The following PPP6R2 variants were observed in gnomAD, a reference collection of about 807,000 sequenced individuals.
PPP6R2 encodes the protein protein phosphatase 6 regulatory subunit 2.
Under a neutral mutation model 100.2 loss-of-function variants are expected in PPP6R2, and 62 were observed. The ratio of observed to expected loss-of-function variants is 0.62; its 90% CI spans 0.50 to 0.76. The LOEUF is 0.76. PPP6R2 is among the 30% of genes least tolerant of loss of function. The probability of loss-of-function intolerance (pLI) is 0.00; values close to 1 mark genes in which losing one functional copy is unlikely to be tolerated. For synonymous variants in PPP6R2, 525 were observed against 514.7 expected (o/e 1.02, Z -0.27); for missense variants, 1,142 against 1,276.3 (o/e 0.89, Z 1.60).
intron 2 of PPP6R2, among the ~76,000 whole-genome samples, chr22:50,372,410 A>G (rs8139075): frequency 0.52 from 78,468 of 151,650 alleles, 23,115 homozygotes; most frequent in African/African-American, 0.82. Flanking sequence ...TTAGCTGGGC[A>G]TAGTGGTGTG....
At chr22:50,404,089 ATT>A (rs55771128) in intron 3 of PPP6R2, among the ~76,000 whole-genome samples, 26,615 of 116,254 alleles carry the variant, frequency 0.23, 2,767 homozygotes, top group East Asian at 0.3. Context: ...TGCACATTCT[ATT>A]TTTTTTTTTT....
the PPP6R2 span, among the ~76,000 whole-genome samples, chr22:50,337,797 G>C: frequency 1.4e-5 from 2 of 147,934 alleles, no homozygotes; most frequent in Admixed American, 6.8e-5. Context: ...TGTGTGTGCT[G>C]TGTGGGGCAT....
At chr22:50,339,120 GTGT>G (rs763440931), upstream of PPP6R2, among the ~76,000 whole-genome samples, 5 of 141,508 alleles carry the variant, frequency 3.5e-5, no homozygotes, top group Non-Finnish European at 6.1e-5. Context: ...TATGTAGTGT[GTGT>G]TATGTAGTGT....
chr22:50,373,240 C>CTTTTTTTTT (rs530254249), intron 2 of PPP6R2, among the ~76,000 whole-genome samples: 1 of 126,444 alleles, frequency 7.9e-6, no homozygotes, highest in Admixed American at 8.4e-5. Flanking sequence ...TAATTTCTTT[C>CTTTTTTTTT]TTTTTTTTTT....
chr22:50,382,837 T>C, intron 2 of PPP6R2, among the ~76,000 whole-genome samples: 1 of 134,014 alleles, frequency 7.5e-6, no homozygotes. Context: ...TACAAGCAAA[T>C]TTTTTTTTTT....
At chr22:50,373,902 T>G (rs979028476) in intron 2 of PPP6R2, among the ~76,000 whole-genome samples, 18 of 152,016 alleles carry the variant, frequency 1.2e-4, no homozygotes, top group Admixed American at 7.9e-4. Flanking sequence ...CCTGGCTGAT[T>G]TTTGTGTTTT....
In PPP6R2 at chr22:50,356,210, T is replaced by G. The variant is rs561981097; in HGVS notation, c.-148+12660T>G. The stretch of plus-strand genomic sequence containing the variant: ...CGATCTCCTGACCTCGTGATCTGCC[T>G]GCCTCGGCCTCCCAAAATGCTGGGA... On this transcript the variant is annotated intron_variant, in intron 1 of 23. Transcript: ENST00000612753. Among the ~76,000 whole-genome samples, 679 of 151,124 alleles carry G rather than the reference T, an allele frequency of 4.5e-3. 1 individual carries two copies. Among genetic ancestry groups the G allele is most frequent in the Middle Eastern group, 0.021 (6 of 292 alleles).
At chr22:50,420,496 TG>T in intron 8 of PPP6R2, among the ~76,000 whole-genome samples, 1 of 152,166 alleles carries the variant, frequency 6.6e-6, no homozygotes, top group Non-Finnish European at 1.5e-5. Context: ...AGGATATAGG[TG>T]CTGGAGACCC....
chr22:50,412,539 T>C (rs2059896209), intron 4 of PPP6R2, among the ~76,000 whole-genome samples: 1 of 151,952 alleles, frequency 6.6e-6, no homozygotes, highest in Admixed American at 6.6e-5. Flanking sequence ...AAACCTTCTC[T>C]GTATAGAGAG....
intron 1 of PPP6R2, among the ~76,000 whole-genome samples, chr22:50,347,822 T>C (rs979125465): frequency 2.0e-5 from 3 of 152,190 alleles, no homozygotes; most frequent in African/African-American, 7.2e-5. Context: ...TTGCCGACAC[T>C]GTTCACTGTT....
upstream of PPP6R2, among the ~76,000 whole-genome samples, chr22:50,341,801 T>C (rs540880759): frequency 2.6e-5 from 4 of 152,166 alleles, no homozygotes; most frequent in East Asian, 3.9e-4. Context: ...AAGACCATCC[T>C]GGCTAACACA....
chr22:50,442,798 T>C (rs959449931), intron 22 of PPP6R2, among the ~76,000 whole-genome samples: 3 of 151,406 alleles, frequency 2.0e-5, no homozygotes, highest in Non-Finnish European at 2.9e-5. Flanking sequence ...ATGATCCGCC[T>C]GCCTCGGCCT....
rs149115222 is a variant in PPP6R2, at chr22:50,426,172, T to G, written c.1125+2558T>G. On this transcript the variant is annotated intron_variant, in intron 10 of 23. Coordinates refer to ENST00000612753, the MANE Select transcript of PPP6R2 (RefSeq NM_001242898.2). ...CTCGCTATGTTGATCAGGCTGGCCT[T>G]GAACTCCTGACTTCAAGTGATGCTC... is the stretch of plus-strand genomic sequence containing the variant. 2.5e-3 allele frequency among the ~76,000 whole-genome samples: 380 copies of G among 152,282 alleles called. 3 individuals carry two copies. Among genetic ancestry groups the G allele is most frequent in the African/African-American group, 8.7e-3 (363 of 41,546 alleles).
chr22:50,338,679 TA>T (rs2042331580), upstream of PPP6R2, among the ~76,000 whole-genome samples: 5 of 122,848 alleles, frequency 4.1e-5, no homozygotes, highest in Admixed American at 1.6e-4. Context: ...GGTGTGTGTG[TA>T]GTATGTGGTG....
At chr22:50,398,642 A>G (rs1356221013) in intron 3 of PPP6R2, among the ~76,000 whole-genome samples, 1 of 147,528 alleles carries the variant, frequency 6.8e-6, no homozygotes, top group Non-Finnish European at 1.5e-5. Flanking sequence ...CGGTCTCCTT[A>G]GTAGCTGGGA....
intron 8 of PPP6R2, among the ~76,000 whole-genome samples, chr22:50,420,549 T>C (rs2061190194): frequency 6.6e-6 from 1 of 152,202 alleles, no homozygotes; most frequent in Non-Finnish European, 1.5e-5. Context: ...TGTTTGAAAC[T>C]GTTTCTCTGG....
intron 1 of PPP6R2, among the ~76,000 whole-genome samples, chr22:50,362,655 G>A (rs2048018832): frequency 6.6e-6 from 1 of 152,140 alleles, no homozygotes; most frequent in Non-Finnish European, 1.5e-5. Context: ...TTTGGAGGGA[G>A]GCCTTTAGGA....
intron 1 of PPP6R2, among the ~76,000 whole-genome samples, chr22:50,353,531 G>T (rs904055919): frequency 1.2e-4 from 19 of 152,106 alleles, no homozygotes; most frequent in African/African-American, 4.3e-4. Flanking sequence ...AAATAATAAT[G>T]AAAGAGTTTG....
chr22:50,393,392 CT>C (rs1272317461), intron 2 of PPP6R2: 63 of 985,250 alleles, frequency 6.4e-5, no homozygotes, highest in Non-Finnish European at 7.4e-5. Flanking sequence ...AAATGTGAGA[CT>C]TTCAGAGGGG....
Sources: allele counts gnomAD v4.1 joint callset (sites outside exome capture counted in the v4.1 genomes callset), GRCh38; gene constraint gnomAD v4.1.1; transcripts MANE v1.5; gene names NCBI Gene and HGNC (gene_info 2026-07-23, HGNC 2026-07-21).